Variants in MEGF11 observed in about 807,000 individuals in gnomAD.
The protein encoded by MEGF11 is multiple epidermal growth factor-like domains protein 11.
Under a neutral mutation model 146.6 loss-of-function variants are expected in MEGF11, and 126 were observed. The ratio of observed to expected loss-of-function variants is 0.86; its 90% CI spans 0.74 to 1.00. The LOEUF is 1.00. Ranked by LOEUF, MEGF11 falls within the 50% of genes least tolerant of loss-of-function variation. The probability of loss-of-function intolerance (pLI) is 0.00; values close to 1 mark genes in which losing one functional copy is unlikely to be tolerated. For missense variants in MEGF11, 1,509 were observed against 1,521.2 expected, an observed-to-expected ratio of 0.99 and a Z score of 0.13; for synonymous variants, 532 against 583.4, an observed-to-expected ratio of 0.91 and a Z score of 1.27.
At chr15:66,096,535 G>T (rs1238483884) in intron 4 of MEGF11, among the ~76,000 whole-genome samples, 1 of 10,068 alleles carries the variant, frequency 9.9e-5, no homozygotes, top group Non-Finnish European at 6.8e-3. Context: ...ATTTTGCCCA[G>T]GCTGTATCCA....
chr15:66,025,330 G>A lies in MEGF11; in HGVS notation c.395-42842C>T, dbSNP rs896619667. ...TGATTCCTGAGTGGGGGGGCTCCTC[G>A]TGGTCCACTCCTGCTTGGCTTATTG... On this transcript the variant is annotated intron_variant, in intron 5 of 25. Transcript: ENST00000395614. 3.3e-5 allele frequency among the ~76,000 whole-genome samples: 5 copies of A among 152,132 alleles called. No homozygotes were observed. In the South Asian group the frequency reaches 6.2e-4, roughly 19 times the overall value.
chr15:65,951,612 G>A (rs2080402900), intron 10 of MEGF11, among the ~76,000 whole-genome samples: 2 of 152,170 alleles, frequency 1.3e-5, no homozygotes, highest in South Asian at 2.1e-4. Context: ...GCGTGAACCC[G>A]GGAGGTGGAG....
intron 5 of MEGF11, among the ~76,000 whole-genome samples, chr15:66,048,526 C>T (rs886309300): frequency 6.6e-6 from 1 of 152,260 alleles, no homozygotes; most frequent in Non-Finnish European, 1.5e-5. Flanking sequence ...CCCAGCCACC[C>T]TGACTCCCTG....
intron 1 of MEGF11, among the ~76,000 whole-genome samples, chr15:66,150,028 C>T (rs537498159): frequency 7.9e-5 from 12 of 152,166 alleles, no homozygotes; most frequent in African/African-American, 2.2e-4. Context: ...CTAATTAAAG[C>T]GAGATGCTAC....
At chr15:66,122,909 T>G (rs765388815) in intron 3 of MEGF11, among the ~76,000 whole-genome samples, 5 of 152,052 alleles carry the variant, frequency 3.3e-5, no homozygotes, top group Admixed American at 6.6e-5. Context: ...TCAGCCTCCC[T>G]AGTAGCTGGG....
intron 5 of MEGF11, among the ~76,000 whole-genome samples, chr15:66,058,530 A>G (rs756808561): frequency 6.6e-6 from 1 of 152,154 alleles, no homozygotes; most frequent in Non-Finnish European, 1.5e-5. Flanking sequence ...GAGCACCCCA[A>G]TACAGTCAGG....
At position 66,082,507 on chromosome 15, in the gene MEGF11, ATC is replaced by A. The variant is rs1371945589; in HGVS notation, c.394+11893_394+11894del. Among the ~76,000 whole-genome samples, 683 of 139,492 alleles carry A rather than the reference ATC, an allele frequency of 4.9e-3. 9 individuals carry two copies. Among genetic ancestry groups the A allele is most frequent in the African/African-American group, 0.012 (436 of 36,850 alleles). The allele number at this position is 139,492 out of a possible 152,430, so 91.5% of individuals were successfully genotyped here. On this transcript the variant is annotated intron_variant, in intron 5 of 25. Coordinates refer to ENST00000395614, the MANE Select transcript of MEGF11 (RefSeq NM_001385028.1). ...TATCTATCTATCTATCTATCTATCT[ATC>A]TATCTATAAATAAATTAGCCAGGTG...
chr15:66,128,218 C>G, intron 2 of MEGF11, 88 bp downstream of exon 2: 1 of 834,200 alleles, frequency 1.2e-6, no homozygotes, highest in Non-Finnish European at 1.7e-6. Flanking sequence ...AGGGCAGCTC[C>G]TGGATCTCCT....
intron 5 of MEGF11, among the ~76,000 whole-genome samples, chr15:66,044,583 C>T (rs972791686): frequency 4.6e-5 from 7 of 152,016 alleles, no homozygotes; most frequent in Non-Finnish European, 7.4e-5. Flanking sequence ...TGTGCTGGCT[C>T]ATGCTTGTAA....
intron 1 of MEGF11, among the ~76,000 whole-genome samples, chr15:66,191,224 C>A (rs542837359): frequency 6.6e-6 from 1 of 152,302 alleles, no homozygotes; most frequent in African/African-American, 2.4e-5. Flanking sequence ...CAATGGGGAC[C>A]ACGGTGAAGT....
chr15:65,964,302 AG>A (rs1054296255), intron 9 of MEGF11, among the ~76,000 whole-genome samples: 7 of 152,076 alleles, frequency 4.6e-5, no homozygotes, highest in African/African-American at 7.2e-5. Context: ...GTGCTGGGGG[AG>A]GGGCTGGCCC....
intron 5 of MEGF11, among the ~76,000 whole-genome samples, chr15:65,984,260 T>C (rs2141704060): frequency 6.6e-6 from 1 of 152,104 alleles, no homozygotes; most frequent in Admixed American, 6.5e-5. Flanking sequence ...ACACCGTGGC[T>C]CATACCTGTA....
intron 5 of MEGF11, among the ~76,000 whole-genome samples, chr15:66,079,186 C>T (rs2085727644): frequency 6.6e-6 from 1 of 152,174 alleles, no homozygotes; most frequent in African/African-American, 2.4e-5. Flanking sequence ...CCATGGCCTG[C>T]CTGCCTTCCT....
At chr15:65,957,505 G>A (rs1204992596) in intron 10 of MEGF11, 42 bp downstream of exon 10, 2 of 1,585,538 alleles carry the variant, frequency 1.3e-6, no homozygotes, top group Non-Finnish European at 1.7e-6. Flanking sequence ...GAACTGGCCC[G>A]GTGGAGGTCA....
At chr15:66,225,001 C>G (rs575484706) in intron 1 of MEGF11, among the ~76,000 whole-genome samples, 1 of 152,158 alleles carries the variant, frequency 6.6e-6, no homozygotes, top group Non-Finnish European at 1.5e-5. Context: ...AAGGGTCTTG[C>G]TGGAGAATAC....
rs371129301 is a variant in MEGF11, at chr15:65,968,814, G to A, written c.899+1739C>T. Among the ~76,000 whole-genome samples the A allele has an allele frequency of 5.3e-5, 8 of 152,110 alleles. No individual in the cohort carries two copies. The East Asian group carries it at 9.6e-4, about 18-fold the overall frequency. On this transcript the variant is annotated intron_variant, in intron 8 of 25. Transcript: ENST00000395614. Reference sequence around the variant, plus strand: ...TTACAAAATGAGCTGCAAAGCCCTCGTTACATTTCGTGTTTAATTTGCACT... The same window carrying A: ...TTACAAAATGAGCTGCAAAGCCCTCATTACATTTCGTGTTTAATTTGCACT...
chr15:66,088,003 C>T (rs149550237), intron 5 of MEGF11, among the ~76,000 whole-genome samples: 30 of 152,270 alleles, frequency 2.0e-4, no homozygotes, highest in African/African-American at 3.9e-4. Flanking sequence ...TTACAACTGA[C>T]GCCACAGAAA....
chr15:66,223,249 A>G (rs1468807090), intron 1 of MEGF11, among the ~76,000 whole-genome samples: 2 of 152,236 alleles, frequency 1.3e-5, no homozygotes, highest in Non-Finnish European at 2.9e-5. Flanking sequence ...AAAAGACCAC[A>G]TATTGTATGA....
At chr15:66,210,419 A>G (rs1018119144) in intron 1 of MEGF11, among the ~76,000 whole-genome samples, 3 of 152,136 alleles carry the variant, frequency 2.0e-5, no homozygotes, top group Admixed American at 2.0e-4. Context: ...CCTGGGAATG[A>G]CAGCTTCTTA....
Sources: allele counts gnomAD v4.1 joint callset (sites outside exome capture counted in the v4.1 genomes callset), GRCh38; gene constraint gnomAD v4.1.1; transcripts MANE v1.5; gene names NCBI Gene and HGNC (gene_info 2026-07-23, HGNC 2026-07-21).